EYS: variants seen among roughly 807,000 people sequenced by gnomAD.
EYS encodes the protein EGF-like photoreceptor maintenance factor.
Under a neutral mutation model 282.1 loss-of-function variants are expected in EYS, and 250 were observed. The ratio of observed to expected loss-of-function variants is 0.89; its 90% CI spans 0.80 to 0.98. EYS has a LOEUF of 0.98. Among genes scored for constraint, EYS ranks in the 50% least tolerant of loss-of-function variants. EYS has a pLI of 0.00. For synonymous variants in EYS, 1,355 were observed against 1,282.9 expected, an observed-to-expected ratio of 1.06 and a Z score of -1.20; for missense variants, 4,016 against 3,709.0, an observed-to-expected ratio of 1.08 and a Z score of -2.15.
chr6:63,828,252 T>C (rs1002114058), intron 36 of EYS, among the ~76,000 whole-genome samples: 2 of 152,054 alleles, frequency 1.3e-5, no homozygotes, highest in African/African-American at 4.8e-5. Flanking sequence ...CTAAATGAAA[T>C]TGAAACTAAA....
rs1383398602 is a variant in EYS, at chr6:64,593,285, C to G, written c.3709G>C (p.Gly1237Arg). The change falls in exon 25 of 43, where the codon GGT (glycine) becomes CGT (arginine). Residue 1237 changes from glycine to arginine, a missense_variant. Physicochemically the swap from Gly to Arg is moderately radical, Grantham distance 125. Transcript: ENST00000503581. ...FMTCSIGLLCGDEIRRITCLT... is the reference protein window; with the variant it reads ...FMTCSIGLLCRDEIRRITCLT... ...CAGGTAATTCTCCTTATTTCATCAC[C>G]ACAAAGAAGCCCAATGGAGCAGGTC... The G allele has an allele frequency of 6.5e-7, 1 of 1,550,006 alleles. No individual in the cohort carries two copies. The highest frequency in any genetic ancestry group is 1.7e-4 in the Middle Eastern group (1 of 5,986).
intron 12 of EYS, among the ~76,000 whole-genome samples, chr6:65,184,810 T>C (rs557754570): frequency 2.6e-5 from 4 of 151,824 alleles, no homozygotes; most frequent in Non-Finnish European, 4.4e-5. Context: ...CAAATAAATT[T>C]ATATATTTTG....
intron 12 of EYS, among the ~76,000 whole-genome samples, chr6:65,148,775 T>G (rs772231199): frequency 6.6e-6 from 1 of 152,240 alleles, no homozygotes; most frequent in Non-Finnish European, 1.5e-5. Flanking sequence ...TCCAGGCATT[T>G]CCATACACCC....
intron 32 of EYS, among the ~76,000 whole-genome samples, chr6:64,068,485 C>T (rs1342196858): frequency 2.0e-5 from 3 of 148,378 alleles, no homozygotes; most frequent in Non-Finnish European, 4.5e-5. Flanking sequence ...TATGATTAGT[C>T]CTTTCATGTC....
intron 22 of EYS, among the ~76,000 whole-genome samples, chr6:64,723,105 T>C (rs936731091): frequency 2.8e-5 from 4 of 145,208 alleles, no homozygotes; most frequent in Non-Finnish European, 6.1e-5. Context: ...AAAAAGAAAC[T>C]GGTTTAAGAA....
intron 30 of EYS, among the ~76,000 whole-genome samples, chr6:64,269,911 A>G (rs941278822): frequency 1.3e-5 from 2 of 152,094 alleles, no homozygotes; most frequent in African/African-American, 4.8e-5. Flanking sequence ...TTGTAGTAAA[A>G]AAAAGGACAA....
intron 15 of EYS, among the ~76,000 whole-genome samples, chr6:64,929,643 G>A (rs1478628336): frequency 6.6e-6 from 1 of 152,112 alleles, no homozygotes; most frequent in Non-Finnish European, 1.5e-5. Context: ...CTTAACTCCT[G>A]AGTTACTCCT....
At chr6:65,155,332 C>T (rs370534714) in intron 12 of EYS, among the ~76,000 whole-genome samples, 1 of 151,414 alleles carries the variant, frequency 6.6e-6, no homozygotes, top group Non-Finnish European at 1.5e-5. Context: ...AAAGGGCTGT[C>T]GTGCCCACAC....
At chr6:65,265,761 T>C (rs1262720133) in intron 12 of EYS, among the ~76,000 whole-genome samples, 3 of 151,936 alleles carry the variant, frequency 2.0e-5, no homozygotes, top group South Asian at 2.1e-4. Context: ...AGTAAGGATA[T>C]GTGGGAAGAA....
intron 31 of EYS, among the ~76,000 whole-genome samples, 170 bp from the exon 32 acceptor site, chr6:64,082,172 A>G (rs1771995432): frequency 6.6e-6 from 1 of 152,170 alleles, no homozygotes; most frequent in Admixed American, 6.5e-5. Flanking sequence ...ATTTATATTT[A>G]TTGCCTCAAA....
intron 12 of EYS, among the ~76,000 whole-genome samples, chr6:65,139,023 G>A (rs1776100868): frequency 6.6e-6 from 1 of 152,028 alleles, no homozygotes; most frequent in African/African-American, 2.4e-5. Flanking sequence ...AAAGCATTCT[G>A]GAGATTTCTC....
chr6:64,872,175 G>T (rs1163823150), intron 19 of EYS, among the ~76,000 whole-genome samples: 2 of 151,966 alleles, frequency 1.3e-5, no homozygotes, highest in African/African-American at 4.8e-5. Flanking sequence ...TCTCAAGGAG[G>T]TAATGACTCC....
At chr6:65,137,711 A>AC (rs1358587807) in intron 12 of EYS, among the ~76,000 whole-genome samples, 4 of 152,112 alleles carry the variant, frequency 2.6e-5, no homozygotes, top group African/African-American at 9.7e-5. Context: ...GTTAAAATAT[A>AC]TAGGATTAGT....
chr6:65,448,630 TAC>T (rs1244741887), intron 5 of EYS, among the ~76,000 whole-genome samples: 1 of 152,002 alleles, frequency 6.6e-6, no homozygotes, highest in African/African-American at 2.4e-5. Flanking sequence ...CTCATATACA[TAC>T]ACAGTCACAT....
intron 2 of EYS, among the ~76,000 whole-genome samples, chr6:65,581,333 T>C (rs1472674830): frequency 6.6e-6 from 1 of 152,140 alleles, no homozygotes; most frequent in East Asian, 1.9e-4. Flanking sequence ...AACTGACTTA[T>C]TGTACAGCAA....
chr6:64,079,445 T>G (rs947658463), intron 32 of EYS, among the ~76,000 whole-genome samples: 1 of 152,122 alleles, frequency 6.6e-6, no homozygotes, highest in Admixed American at 6.6e-5. Flanking sequence ...AATAAAATCT[T>G]TTATGTATTT....
intron 29 of EYS, among the ~76,000 whole-genome samples, chr6:64,369,976 C>T (rs1292553827): frequency 1.3e-5 from 2 of 151,958 alleles, no homozygotes; most frequent in Non-Finnish European, 2.9e-5. Context: ...TGTCTGCAAA[C>T]AGGGATAGTT....
At chr6:64,243,108 A>G (rs148013702) in intron 30 of EYS, among the ~76,000 whole-genome samples, 11 of 149,758 alleles carry the variant, frequency 7.3e-5, no homozygotes, top group Admixed American at 2.0e-4. Context: ...TTTTATTTGT[A>G]TATATAAAAT....
At chr6:65,616,631 C>A (rs974711648) in intron 2 of EYS, among the ~76,000 whole-genome samples, 2 of 151,742 alleles carry the variant, frequency 1.3e-5, no homozygotes, top group Admixed American at 6.6e-5. Context: ...ACTAAAAATA[C>A]AAAAATTTGC....
Sources: gnomAD v4.1 joint callset for allele counts (sites outside exome capture counted in the v4.1 genomes callset) on GRCh38, gnomAD v4.1.1 for gene constraint, MANE v1.5 for transcripts, NCBI Gene and HGNC (gene_info 2026-07-23, HGNC 2026-07-21) for gene names.